Variants in TRAK1 observed in about 807,000 individuals in gnomAD.
The protein encoded by TRAK1 is trafficking kinesin-binding protein 1.
TRAK1 carries 33 observed loss-of-function variants against 92.1 expected under a neutral mutation model. The ratio of observed to expected loss-of-function variants is 0.36; its 90% CI spans 0.27 to 0.48. The LOEUF (loss-of-function observed/expected upper bound fraction) is 0.48, where lower values mean the gene tolerates loss of function less well. Among genes scored for constraint, TRAK1 ranks in the 20% least tolerant of loss-of-function variants. TRAK1 has a pLI of 0.99. For synonymous variants in TRAK1, 521 were observed against 517.3 expected, an observed-to-expected ratio of 1.01 and a Z score of -0.10; for missense variants, 1,123 against 1,257.9, an observed-to-expected ratio of 0.89 and a Z score of 1.62.
At chr3:42,182,614 G>C (rs1349777398) in intron 3 of TRAK1, among the ~76,000 whole-genome samples, 3 of 152,170 alleles carry the variant, frequency 2.0e-5, no homozygotes, top group Non-Finnish European at 4.4e-5. Context: ...ATACCTGGCT[G>C]GCTTGTGGGA....
chr3:42,138,111 T>C (rs1698177667), intron 2 of TRAK1, among the ~76,000 whole-genome samples: 2 of 152,214 alleles, frequency 1.3e-5, no homozygotes, highest in South Asian at 4.1e-4. Context: ...GTGGTTTTCT[T>C]TTTCAAATGC....
At chr3:42,210,116 G>A (rs552979324) in intron 14 of TRAK1, 131 bp downstream of exon 14, 6 of 1,611,040 alleles carry the variant, frequency 3.7e-6, no homozygotes, top group Non-Finnish European at 5.1e-6. Context: ...AGGAGGAGGA[G>A]GGGTCTGGTG....
intron 1 of TRAK1, among the ~76,000 whole-genome samples, chr3:42,080,616 A>G (rs1576263884): frequency 6.6e-6 from 1 of 152,324 alleles, no homozygotes; most frequent in Admixed American, 6.5e-5. Flanking sequence ...CATCCAGGGC[A>G]GTGGATGCTT....
At chr3:42,112,735 CAAAAA>C (rs774716012) in intron 1 of TRAK1, among the ~76,000 whole-genome samples, 4 of 54,724 alleles carry the variant, frequency 7.3e-5, no homozygotes, top group African/African-American at 1.0e-4. Flanking sequence ...GACTCTGTCT[CAAAAA>C]AAAAAAAAAA....
intron 14 of TRAK1, chr3:42,219,199 C>G (rs1017850916): frequency 7.1e-6 from 7 of 985,066 alleles, no homozygotes; most frequent in Admixed American, 6.2e-5. Flanking sequence ...CCCCACCCCC[C>G]TCGCCTCCCA....
intron 1 of TRAK1, among the ~76,000 whole-genome samples, chr3:42,038,787 CA>C (rs34444971): frequency 0.062 from 3,888 of 62,494 alleles, 68 homozygotes; most frequent in Non-Finnish European, 0.094. Context: ...GACTTCATCT[CA>C]AAAAAAAAAA....
intron 2 of TRAK1, among the ~76,000 whole-genome samples, chr3:42,163,461 C>T (rs369048725): frequency 2.6e-5 from 4 of 151,642 alleles, no homozygotes; most frequent in East Asian, 1.9e-4. Flanking sequence ...CCCAGCTACT[C>T]GGGAGGCTGA....
intron 1 of TRAK1, among the ~76,000 whole-genome samples, chr3:42,024,004 C>T (rs1343272305): frequency 6.6e-6 from 1 of 152,086 alleles, no homozygotes; most frequent in Non-Finnish European, 1.5e-5. Flanking sequence ...ATTCGCCCTC[C>T]TTGGCCCCCC....
At position 42,224,442 on chromosome 3, in the gene TRAK1, C is replaced by T; in HGVS notation, c.*705C>T. ...ACCCGAAAGAGAATGTATTTACACTCATGCTGCGTTGTTCAGCAGCCCCTC... is the reference window on the plus strand; with the variant it reads ...ACCCGAAAGAGAATGTATTTACACTTATGCTGCGTTGTTCAGCAGCCCCTC... On this transcript the variant is annotated 3_prime_UTR_variant, in exon 16 of 16. Transcript: ENST00000327628. 4.6e-6 allele frequency: 1 copy of T among 215,068 alleles called. No homozygotes were observed. Among genetic ancestry groups the T allele is most frequent in the Non-Finnish European group, 9.2e-6 (1 of 108,482 alleles). The allele number at this position is 215,068 out of a possible 1,614,324, so 13.3% of individuals were successfully genotyped here.
At chr3:42,207,300 A>C (rs1708445962) in intron 13 of TRAK1, among the ~76,000 whole-genome samples, 1 of 152,216 alleles carries the variant, frequency 6.6e-6, no homozygotes, top group African/African-American at 2.4e-5. Context: ...TGTGAATGGG[A>C]GTCCGCAGGG....
chr3:42,217,282 A>G lies in TRAK1; in HGVS notation c.1964-2212A>G, dbSNP rs565584888. On this transcript the variant is annotated intron_variant, in intron 14 of 15. Coordinates refer to ENST00000327628, the MANE Select transcript of TRAK1 (RefSeq NM_001042646.3). ...CAGCATCCTGGCAGTCAGTGGTGAC[A>G]TGCGGAGAGCCCACGGGTCCAGGCG... 5.1e-6 allele frequency: 5 copies of G among 985,294 alleles called. No individual in the cohort carries two copies. The South Asian group carries it at 2.4e-4, about 46-fold the overall frequency. The allele number at this position is 985,294 out of a possible 1,614,324, so 61.0% of individuals were successfully genotyped here.
chr3:42,076,257 C>T (rs1704153598), intron 1 of TRAK1, among the ~76,000 whole-genome samples: 2 of 94,332 alleles, frequency 2.1e-5, no homozygotes, highest in East Asian at 6.8e-4. Flanking sequence ...TGGAGTTTCC[C>T]TCTTGTTGCT....
intron 1 of TRAK1, among the ~76,000 whole-genome samples, chr3:42,044,367 A>G (rs1702675812): frequency 1.3e-5 from 2 of 152,018 alleles, no homozygotes; most frequent in Admixed American, 1.3e-4. Context: ...TCACCGTGCT[A>G]CCCGGGCTGG....
chr3:42,201,060 C>T lies in TRAK1; in HGVS notation c.1427+6C>T, dbSNP rs1200630089. 1 of 1,613,874 alleles carries T rather than the reference C, an allele frequency of 6.2e-7. No individual in the cohort carries two copies. The highest frequency in any genetic ancestry group is 1.1e-5 in the South Asian group (1 of 91,074). On this transcript the variant is annotated splice_donor_region_variant and intron_variant, in intron 12 of 15. Coordinates refer to ENST00000327628, the MANE Select transcript of TRAK1 (RefSeq NM_001042646.3). Reference sequence around the variant, plus strand: ...ACAGAGGCAGCCGACCTGGGGTGAGCAAGCTGGGAGTTTTCACTTCTCTGT... The same window carrying T: ...ACAGAGGCAGCCGACCTGGGGTGAGTAAGCTGGGAGTTTTCACTTCTCTGT...
chr3:42,202,019 G>A lies in TRAK1; in HGVS notation c.1428-417G>A, dbSNP rs1473915808. ...GGAACAGACAGACAGGAAGCTCCTT[G>A]ATCAGAGCAGGTTTTGTTCAGAGTT... On this transcript the variant is annotated intron_variant, in intron 12 of 15. Transcript: ENST00000327628. The surrounding 1 kb of genome is among the most constrained non-coding windows in gnomAD (Gnocchi z 6.1). Among the ~76,000 whole-genome samples, 1 of 151,938 alleles carries A rather than the reference G, an allele frequency of 6.6e-6. No homozygotes were observed. Among genetic ancestry groups the A allele is most frequent in the African/African-American group, 2.4e-5 (1 of 41,346 alleles).
intron 1 of TRAK1, among the ~76,000 whole-genome samples, chr3:42,124,808 G>A (rs1710350044): frequency 6.6e-6 from 1 of 152,194 alleles, no homozygotes; most frequent in Non-Finnish European, 1.5e-5. Context: ...TTCCTTAAAG[G>A]ATGGGCACCT....
At chr3:42,208,767 G>A (rs901514196) in intron 13 of TRAK1, among the ~76,000 whole-genome samples, 3 of 152,204 alleles carry the variant, frequency 2.0e-5, no homozygotes, top group African/African-American at 7.2e-5. Context: ...TCTGTAGAAT[G>A]GGGCTAGCCC....
At chr3:42,194,023 A>T (rs995782559) in intron 9 of TRAK1, 125 bp downstream of exon 9, 3 of 933,546 alleles carry the variant, frequency 3.2e-6, no homozygotes, top group Non-Finnish European at 4.8e-6. Flanking sequence ...TTTCATTTTT[A>T]TTCGTGGGAG....
chr3:42,198,937 A>G (rs1707146934), intron 10 of TRAK1, among the ~76,000 whole-genome samples: 2 of 152,116 alleles, frequency 1.3e-5, no homozygotes, highest in Non-Finnish European at 1.5e-5. Flanking sequence ...CTAATGGCAT[A>G]TGAGTCAGCA....
Sources: allele counts gnomAD v4.1 joint callset (sites outside exome capture counted in the v4.1 genomes callset), GRCh38; gene constraint gnomAD v4.1.1; non-coding constraint Gnocchi (gnomAD v3.1); transcripts MANE v1.5; gene names NCBI Gene and HGNC (gene_info 2026-07-23, HGNC 2026-07-21).